The following DSG3 variants were observed in gnomAD, a reference collection of about 807,000 sequenced individuals.
DSG3 encodes desmoglein-3.
A neutral mutation model predicts 85.9 loss-of-function variants in DSG3; 63 were observed. The ratio of observed to expected loss-of-function variants is 0.73; its 90% confidence interval spans 0.60 to 0.90. DSG3 has a LOEUF of 0.90. Among genes scored for constraint, DSG3 ranks in the 40% least tolerant of loss-of-function variants. The pLI is 0.00. For missense variants in DSG3, 1,220 were observed against 1,219.9 expected (o/e 1.00, Z 0.00); for synonymous variants, 447 against 441.9 (o/e 1.01, Z -0.14).
chr18:31,457,386 T>A (rs1046256875), intron 3 of DSG3, among the ~76,000 whole-genome samples: 1 of 152,086 alleles, frequency 6.6e-6, no homozygotes, highest in Non-Finnish European at 1.5e-5. Flanking sequence ...CTTACTTGGA[T>A]ACAGAGTCTA....
Position 31,460,007 on chromosome 18 carries a change from G to A in DSG3, c.680G>A (p.Arg227Gln), listed in dbSNP as rs556515891. 41 of 1,613,166 alleles carry A rather than the reference G, an allele frequency of 2.5e-5. No homozygotes were observed. The highest frequency in any genetic ancestry group is 1.6e-4 in the East Asian group (7 of 44,864). The change falls in exon 6 of 16, where the codon CGA becomes CAA. Residue 227 changes from arginine (R) to glutamine (Q), a missense_variant. Coordinates refer to ENST00000257189, the MANE Select transcript of DSG3 (RefSeq NM_001944.3). ...EVRTLTNSLD[R>Q]EQASSYRLVV... ...CGTACTTTGACCAATTCTCTTGACC[G>A]AGAGGTACAGCAAAGCACTTGGGGG...
chr18:31,456,349 C>T, intron 1 of DSG3, 91 bp from the exon 2 acceptor site: 1 of 850,282 alleles, frequency 1.2e-6, no homozygotes, highest in African/African-American at 1.8e-5. Flanking sequence ...ACAATATGAA[C>T]AATAGAATAT....
chr18:31,471,888 G>A (rs938798403), intron 12 of DSG3, among the ~76,000 whole-genome samples: 2 of 152,226 alleles, frequency 1.3e-5, no homozygotes, highest in African/African-American at 4.8e-5. Flanking sequence ...GGACCATTCT[G>A]GTCATATATT....
chr18:31,450,800 G>A (rs1287899308), intron 1 of DSG3, among the ~76,000 whole-genome samples: 1 of 152,168 alleles, frequency 6.6e-6, no homozygotes, highest in Non-Finnish European at 1.5e-5. Flanking sequence ...ATTAAAAAGT[G>A]CTGTGAGAAA....
intron 1 of DSG3, among the ~76,000 whole-genome samples, chr18:31,451,154 G>T (rs947650999): frequency 1.3e-5 from 2 of 152,022 alleles, no homozygotes; most frequent in Non-Finnish European, 2.9e-5. Context: ...TTGAGGAAAG[G>T]ACTCATGGTT....
At chr18:31,450,733 C>A (rs1324820621) in intron 1 of DSG3, among the ~76,000 whole-genome samples, 1 of 152,166 alleles carries the variant, frequency 6.6e-6, no homozygotes, top group African/African-American at 2.4e-5. Context: ...TCACACCCCA[C>A]CCCCTGCCTA....
Position 31,456,796 on chromosome 18 carries a change from C to A in DSG3, c.85-197C>A, listed in dbSNP as rs550099873. Among the ~76,000 whole-genome samples, 11 of 152,164 alleles carry A rather than the reference C, an allele frequency of 7.2e-5. No homozygotes were observed. In the East Asian group the frequency reaches 2.1e-3, roughly 29 times the overall value. Reference sequence around the variant, plus strand: ...ACGACTAAATGCTAATATTAAAAATCACATAGCTTTGTAGTTATTTTAGTT... The same window carrying A: ...ACGACTAAATGCTAATATTAAAAATAACATAGCTTTGTAGTTATTTTAGTT... On this transcript the variant is annotated intron_variant, in intron 2 of 15. Transcript: ENST00000257189.
At position 31,459,827 on chromosome 18, in the gene DSG3, G is replaced by A. The variant is rs74965464; in HGVS notation, c.518-18G>A. 3,860 of 1,586,928 alleles carry A rather than the reference G, an allele frequency of 2.4e-3. 7 individuals are homozygous for A. The highest frequency in any genetic ancestry group is 2.7e-3 in the Non-Finnish European group (3,103 of 1,164,854). On this transcript the variant is annotated intron_variant, in intron 5 of 15. Transcript: ENST00000257189. ...AATTGTTACATATTCTTTAATAAACGTTTTCCTGTATTCCTAGACTCACTG... is the reference window on the plus strand; with the variant it reads ...AATTGTTACATATTCTTTAATAAACATTTTCCTGTATTCCTAGACTCACTG...
rs1458193858 is a variant in DSG3, at chr18:31,465,413, T to G, written c.1367T>G (p.Phe456Cys). ...AAAAATATGAACCGAGATTCTACTT[T>G]CATAGTTAACAAAACAATCACAGCT... ...FVKNMNRDSTFIVNKTITAEV... is the reference protein window; with the variant it reads ...FVKNMNRDSTCIVNKTITAEV... Residue 456 changes from phenylalanine (F) to cysteine (C), a missense_variant, in exon 10 of 16, where the codon TTC (phenylalanine) becomes TGC (cysteine). Coordinates refer to ENST00000257189, the MANE Select transcript of DSG3 (RefSeq NM_001944.3). 1.3e-6 allele frequency: 2 copies of G among 1,546,198 alleles called. No homozygotes were observed. Among genetic ancestry groups the G allele is most frequent in the Non-Finnish European group, 1.7e-6 (2 of 1,148,602 alleles).
At chr18:31,456,553 G>A in intron 2 of DSG3, 78 bp downstream of exon 2, 1 of 743,464 alleles carries the variant, frequency 1.3e-6, no homozygotes, top group Non-Finnish European at 1.9e-6. Flanking sequence ...TAGTAGAAAT[G>A]AATATTTAAT....
At chr18:31,463,930 C>A (rs941764117) in intron 8 of DSG3, among the ~76,000 whole-genome samples, 181 bp from the exon 9 acceptor site, 2 of 152,170 alleles carry the variant, frequency 1.3e-5, no homozygotes, top group African/African-American at 4.8e-5. Flanking sequence ...ACTGAGGTCT[C>A]ATGAGTTAAG....
chr18:31,457,257 C>T, intron 3 of DSG3, 133 bp downstream of exon 3: 1 of 603,724 alleles, frequency 1.7e-6, no homozygotes, highest in Non-Finnish European at 2.6e-6. Context: ...GTATCCTCAA[C>T]AAAATAGTAC....
In DSG3 at chr18:31,462,444, A is replaced by G. The variant is rs548941834; in HGVS notation, c.999+1032A>G. ...TAAATCCAGTTGAGTGACAGACCAT[A>G]TAATCCTTTAACAAGGGGGCTGCTG... On this transcript the variant is annotated intron_variant, in intron 8 of 15. Transcript: ENST00000257189. 5.3e-5 allele frequency among the ~76,000 whole-genome samples: 8 copies of G among 152,158 alleles called. 1 individual carries two copies. Among genetic ancestry groups the G allele is most frequent in the Non-Finnish European group, 1.0e-4 (7 of 68,022 alleles).
Position 31,457,138 on chromosome 18 carries a change from A to G in DSG3, c.216+14A>G. 6.2e-7 allele frequency: 1 copy of G among 1,604,410 alleles called. No individual in the cohort carries two copies. The highest frequency in any genetic ancestry group is 8.5e-7 in the Non-Finnish European group (1 of 1,177,296). On this transcript the variant is annotated intron_variant, in intron 3 of 15. Transcript: ENST00000257189. ...CCAATTGCCAAGGTAAGTTATATCA[A>G]CAGGAGCGTATGAGTTTTTAGAATA...
At chr18:31,458,944 C>T (rs1568086976) in intron 4 of DSG3, 89 bp from the exon 5 acceptor site, 1 of 1,448,260 alleles carries the variant, frequency 6.9e-7, no homozygotes, top group South Asian at 1.3e-5. Flanking sequence ...AAAGTGATGT[C>T]CATGCCAACA....
intron 14 of DSG3, among the ~76,000 whole-genome samples, chr18:31,473,205 C>T (rs1056265019): frequency 6.6e-6 from 1 of 152,318 alleles, no homozygotes; most frequent in African/African-American, 2.4e-5. Context: ...GTTAAAGTCT[C>T]ATGTGCACAT....
At chr18:31,460,064 A>G in intron 6 of DSG3, 53 bp downstream of exon 6, 3 of 1,534,562 alleles carry the variant, frequency 2.0e-6, no homozygotes, top group Non-Finnish European at 2.6e-6. Context: ...TGATTATAAG[A>G]AAACCAAGAG....
chr18:31,474,544 C>T, intron 15 of DSG3, 140 bp downstream of exon 15: 5 of 1,070,854 alleles, frequency 4.7e-6, no homozygotes, highest in Non-Finnish European at 6.6e-6. Context: ...TGTTTTTTGC[C>T]AAAATAATAC....
In DSG3 at chr18:31,472,717, G is replaced by T; in HGVS notation, c.2038-8G>T. ...TTTAAATGAATTTATTTTTCACATG[G>T]TTTGCAGGAAATCACAAATATTTGT... On this transcript the variant is annotated splice_polypyrimidine_tract_variant and splice_region_variant and intron_variant, in intron 13 of 15. Coordinates refer to ENST00000257189, the MANE Select transcript of DSG3 (RefSeq NM_001944.3). 6.2e-7 allele frequency: 1 copy of T among 1,613,682 alleles called. No homozygotes were observed.
Sources: gnomAD v4.1 joint callset for allele counts (sites outside exome capture counted in the v4.1 genomes callset) on GRCh38, gnomAD v4.1.1 for gene constraint, MANE v1.5 for transcripts, NCBI Gene and HGNC (gene_info 2026-07-23, HGNC 2026-07-21) for gene names.